Variants in EXOC1 observed in about 807,000 individuals in gnomAD.
The protein encoded by EXOC1 is exocyst complex component 1.
EXOC1 carries 67 observed loss-of-function variants against 107.7 expected under a neutral mutation model. That is an observed-to-expected ratio of 0.62 (90% CI 0.51 to 0.76). The LOEUF (loss-of-function observed/expected upper bound fraction) is 0.76. Among genes scored for constraint, EXOC1 ranks in the 30% least tolerant of loss-of-function variants. The pLI, the probability that EXOC1 is intolerant of heterozygous loss-of-function variation, is 0.00. For missense variants in EXOC1, 833 were observed against 1,055.7 expected, an observed-to-expected ratio of 0.79 and a Z score of 2.92; for synonymous variants, 348 against 353.5, an observed-to-expected ratio of 0.98 and a Z score of 0.17.
chr4:55,874,183 A>G (rs1722688949), intron 8 of EXOC1, among the ~76,000 whole-genome samples: 1 of 152,194 alleles, frequency 6.6e-6, no homozygotes, highest in Non-Finnish European at 1.5e-5. Flanking sequence ...TAGCAAATGT[A>G]TAGTTACAAC....
intron 17 of EXOC1, 30 bp from the exon 18 acceptor site, chr4:55,902,314 T>C (rs751830649): frequency 1.4e-6 from 2 of 1,403,922 alleles, no homozygotes; most frequent in Non-Finnish European, 1.9e-6. Context: ...ATGCAGGTCT[T>C]AGCCATTGTT....
At position 55,868,972 on chromosome 4, in the gene EXOC1, G is replaced by T. The variant is rs954155377; in HGVS notation, c.603+449G>T. ...ACCAAAGAAGAGTGGAGTGAGTGTG[G>T]TGAAAACAGGAGAGCCAGAGAAAAA... is the stretch of plus-strand genomic sequence containing the variant. On this transcript the variant is annotated intron_variant, in intron 5 of 18. Transcript: ENST00000381295. Among the ~76,000 whole-genome samples, 6 of 152,182 alleles carry T rather than the reference G, an allele frequency of 3.9e-5. No homozygotes were observed. The East Asian group carries it at 7.7e-4, about 20-fold the overall frequency.
rs764093305 is a variant in EXOC1, at chr4:55,893,532, C to T, written c.1725-20C>T. ...TGAAGCTTGTTATAACTTTATACTT[C>T]TTGTCTGTTTTCTGAACAGGAAAGA... On this transcript the variant is annotated intron_variant, in intron 14 of 18. Coordinates refer to ENST00000381295, the MANE Select transcript of EXOC1 (RefSeq NM_001024924.2). The T allele has an allele frequency of 1.1e-5, 17 of 1,604,286 alleles. No homozygotes were observed. The highest frequency in any genetic ancestry group is 1.4e-5 in the Non-Finnish European group (17 of 1,175,194).
At chr4:55,877,476 G>A in intron 8 of EXOC1, 9 of 984,924 alleles carry the variant, frequency 9.1e-6, no homozygotes, top group Non-Finnish European at 9.6e-6. Flanking sequence ...TTTTTTATCT[G>A]TTGTTTTAAA....
intron 3 of EXOC1, 38 bp downstream of exon 3, chr4:55,860,579 G>A (rs773066279): frequency 9.3e-6 from 15 of 1,607,662 alleles, no homozygotes; most frequent in South Asian, 8.8e-5. Context: ...TGTTCAGAAA[G>A]CATCTTTCAT....
intron 9 of EXOC1, among the ~76,000 whole-genome samples, chr4:55,879,168 A>C (rs1459356478): frequency 6.6e-6 from 1 of 152,228 alleles, no homozygotes; most frequent in Non-Finnish European, 1.5e-5. Flanking sequence ...AACACTTGTA[A>C]GCACTTAGAG....
At chr4:55,903,147 TA>T (rs10544843) in intron 18 of EXOC1, among the ~76,000 whole-genome samples, 5,391 of 98,426 alleles carry the variant, frequency 0.055, 345 homozygotes, top group African/African-American at 0.16. Flanking sequence ...GTGTCTCAAT[TA>T]AAAAAAAAAA....
In EXOC1 at chr4:55,860,911, A is replaced by C. The variant is rs1348999467; in HGVS notation, c.255+370A>C. On this transcript the variant is annotated intron_variant, in intron 3 of 18. Coordinates refer to ENST00000381295, the MANE Select transcript of EXOC1 (RefSeq NM_001024924.2). ...TAAACATAGAATCACCAGCTGGGGC[A>C]GCCAGACTGGCCTTTTGAGGCCACC... 2.6e-5 allele frequency among the ~76,000 whole-genome samples: 4 copies of C among 151,820 alleles called. No individual in the cohort carries two copies. In the East Asian group the frequency reaches 7.7e-4, roughly 29 times the overall value.
At chr4:55,860,649 G>A in intron 3 of EXOC1, 108 bp downstream of exon 3, 4 of 1,339,074 alleles carry the variant, frequency 3.0e-6, no homozygotes, top group Non-Finnish European at 4.0e-6. Flanking sequence ...ATATATGTTT[G>A]TTTTCTTATT....
chr4:55,878,794 C>T (rs765348929), intron 9 of EXOC1, among the ~76,000 whole-genome samples: 4 of 151,904 alleles, frequency 2.6e-5, no homozygotes, highest in Non-Finnish European at 5.9e-5. Flanking sequence ...TTAAGGGTGA[C>T]CGAAGCAGAA....
At chr4:55,900,150 T>C (rs1219839410) in intron 17 of EXOC1, among the ~76,000 whole-genome samples, 1 of 152,186 alleles carries the variant, frequency 6.6e-6, no homozygotes, top group South Asian at 2.1e-4. Context: ...TTCTTTTAAT[T>C]CTTATAAACA....
In EXOC1 at chr4:55,874,377, A is replaced by C. The variant is rs559819276; in HGVS notation, c.1074+2419A>C. ...TTACCAAATAAAGACCTTTAAAAAG[A>C]AATACTATTATCCACTTTCATTATC... On this transcript the variant is annotated intron_variant, in intron 8 of 18. Coordinates refer to ENST00000381295, the MANE Select transcript of EXOC1 (RefSeq NM_001024924.2). Among the ~76,000 whole-genome samples, 9 of 152,322 alleles carry C rather than the reference A, an allele frequency of 5.9e-5. No individual in the cohort carries two copies. In the East Asian group the frequency reaches 1.7e-3, roughly 29 times the overall value.
At chr4:55,855,647 G>A (rs565860294) in intron 1 of EXOC1, among the ~76,000 whole-genome samples, 1 of 152,226 alleles carries the variant, frequency 6.6e-6, no homozygotes, top group South Asian at 2.1e-4. Context: ...TGCGTGGGGC[G>A]GCTGCAGGGA....
chr4:55,864,675 C>T (rs1721790834), intron 4 of EXOC1, among the ~76,000 whole-genome samples: 3 of 152,130 alleles, frequency 2.0e-5, no homozygotes, highest in Non-Finnish European at 4.4e-5. Context: ...AAGAAATTTA[C>T]ATTATGTTTT....
chr4:55,885,865 GAT>G (rs756508602), intron 10 of EXOC1, among the ~76,000 whole-genome samples: 10 of 152,132 alleles, frequency 6.6e-5, no homozygotes, highest in Non-Finnish European at 1.3e-4. Flanking sequence ...TTCTAAATAA[GAT>G]ATAGTGTACA....
chr4:55,890,441 G>T, intron 12 of EXOC1, 55 bp downstream of exon 12: 1 of 1,495,972 alleles, frequency 6.7e-7, no homozygotes. Flanking sequence ...TCTAACAGCA[G>T]TTTGTGGTTG....
intron 8 of EXOC1, among the ~76,000 whole-genome samples, chr4:55,874,842 G>A (rs1273021525): frequency 1.3e-5 from 2 of 152,088 alleles, no homozygotes; most frequent in Admixed American, 1.3e-4. Context: ...CACTAATTAG[G>A]ATTATGATAT....
At chr4:55,890,156 C>G in intron 11 of EXOC1, 67 bp from the exon 12 acceptor site, 1 of 1,487,648 alleles carries the variant, frequency 6.7e-7, no homozygotes, top group Non-Finnish European at 9.3e-7. Context: ...GAAGATCTAT[C>G]CCTGCTTTAT....
intron 7 of EXOC1, among the ~76,000 whole-genome samples, chr4:55,871,560 G>T (rs1722444524): frequency 6.6e-6 from 1 of 152,074 alleles, no homozygotes; most frequent in South Asian, 2.1e-4. Context: ...ATCCCTAGAG[G>T]TCTTGTTAAA....
Sources: allele counts gnomAD v4.1 joint callset (sites outside exome capture counted in the v4.1 genomes callset), GRCh38; gene constraint gnomAD v4.1.1; transcripts MANE v1.5; gene names NCBI Gene and HGNC (gene_info 2026-07-23, HGNC 2026-07-21).